NELL1: variants seen among roughly 807,000 people sequenced by gnomAD.
NELL1 encodes the protein neural EGFL like 1, also known as protein kinase C-binding protein NELL1.
NELL1 carries 76 observed loss-of-function variants against 107.4 expected under a neutral mutation model. The observed-to-expected ratio is 0.71, with a 90% confidence interval of 0.59 to 0.86. The LOEUF is 0.86. NELL1 is among the 40% of genes least tolerant of loss of function. NELL1 has a pLI of 0.00. For synonymous variants in NELL1, 353 were observed against 341.2 expected, an observed-to-expected ratio of 1.03 and a Z score of -0.38; for missense variants, 1,024 against 1,005.5, an observed-to-expected ratio of 1.02 and a Z score of -0.25.
At chr11:20,863,188 G>A (rs1374728915) in intron 4 of NELL1, among the ~76,000 whole-genome samples, 6 of 139,370 alleles carry the variant, frequency 4.3e-5, no homozygotes, top group African/African-American at 1.3e-4. Context: ...GGGCAGAGGC[G>A]CCCCTCACCT....
chr11:21,573,544 T>C, intron 19 of NELL1, 135 bp downstream of exon 19: 1 of 755,194 alleles, frequency 1.3e-6, no homozygotes, highest in Non-Finnish European at 2.2e-6. Flanking sequence ...TTACTTCTCA[T>C]AGGAATTTAA....
intron 14 of NELL1, among the ~76,000 whole-genome samples, chr11:21,246,739 G>C (rs1000812369): frequency 6.6e-6 from 1 of 152,110 alleles, no homozygotes; most frequent in Admixed American, 6.6e-5. Flanking sequence ...ACCCGAGACT[G>C]GGTAATTTAT....
intron 15 of NELL1, among the ~76,000 whole-genome samples, chr11:21,471,223 G>A (rs1854171908): frequency 6.6e-6 from 1 of 151,936 alleles, no homozygotes; most frequent in African/African-American, 2.4e-5. Flanking sequence ...CCTCTTTTCA[G>A]CAGTCTTTCT....
chr11:21,002,948 C>T (rs1852255651), intron 12 of NELL1, among the ~76,000 whole-genome samples: 1 of 151,992 alleles, frequency 6.6e-6, no homozygotes, highest in Non-Finnish European at 1.5e-5. Context: ...TGCACTGAAT[C>T]CTTAACATGA....
chr11:21,386,569 A>G (rs1356717963), intron 15 of NELL1, among the ~76,000 whole-genome samples: 3 of 151,834 alleles, frequency 2.0e-5, no homozygotes, highest in Non-Finnish European at 4.4e-5. Flanking sequence ...GGAGCAGACC[A>G]TCTGATTGGA....
intron 5 of NELL1, among the ~76,000 whole-genome samples, chr11:20,908,802 G>A (rs1590404440): frequency 6.6e-6 from 1 of 152,296 alleles, no homozygotes; most frequent in East Asian, 1.9e-4. Context: ...AGAATTACAT[G>A]TAATCCAGCA....
At chr11:21,461,563 T>C (rs966789874) in intron 15 of NELL1, among the ~76,000 whole-genome samples, 4 of 152,122 alleles carry the variant, frequency 2.6e-5, no homozygotes, top group South Asian at 2.1e-4. Context: ...TAGCAGCTGA[T>C]TTTTATTAAG....
intron 2 of NELL1, among the ~76,000 whole-genome samples, chr11:20,691,611 G>A (rs1195850228): frequency 2.6e-5 from 4 of 152,194 alleles, no homozygotes; most frequent in African/African-American, 9.6e-5. Context: ...TATTGAACCA[G>A]CCTTGCATCC....
At chr11:20,721,232 G>A (rs1255107610) in intron 2 of NELL1, among the ~76,000 whole-genome samples, 1 of 31,806 alleles carries the variant, frequency 3.1e-5, no homozygotes, top group East Asian at 2.6e-3. Context: ...TATATATTTT[G>A]TTTATATATA....
intron 15 of NELL1, among the ~76,000 whole-genome samples, chr11:21,495,652 A>G (rs893254813): frequency 5.9e-5 from 9 of 152,268 alleles, no homozygotes; most frequent in East Asian, 1.9e-4. Flanking sequence ...AAGTTTCTCT[A>G]CATCCTTACC....
chr11:21,350,366 TA>T (rs398015516), intron 14 of NELL1, among the ~76,000 whole-genome samples: 2,666 of 145,868 alleles, frequency 0.018, 80 homozygotes, highest in African/African-American at 0.06. Flanking sequence ...AAGATCTTTT[TA>T]AAAAAAAAAA....
intron 17 of NELL1, among the ~76,000 whole-genome samples, chr11:21,562,648 A>G (rs1399596291): frequency 6.6e-6 from 1 of 152,088 alleles, no homozygotes; most frequent in African/African-American, 2.4e-5. Context: ...CAATACTTAC[A>G]CATCCAAATG....
intron 13 of NELL1, among the ~76,000 whole-genome samples, chr11:21,124,508 T>C (rs1438301173): frequency 1.3e-5 from 2 of 152,102 alleles, no homozygotes; most frequent in East Asian, 3.9e-4. Context: ...TTATAAACAA[T>C]AGGAATTTCT....
chr11:21,322,971 C>T (rs958624337), intron 14 of NELL1, among the ~76,000 whole-genome samples: 1 of 151,974 alleles, frequency 6.6e-6, no homozygotes, highest in South Asian at 2.1e-4. Flanking sequence ...AAGCACAAGC[C>T]ATTGTTGTAT....
intron 15 of NELL1, among the ~76,000 whole-genome samples, chr11:21,397,659 C>G (rs1852011235): frequency 6.6e-6 from 1 of 151,526 alleles, no homozygotes; most frequent in Admixed American, 6.6e-5. Context: ...CATTTTAAAT[C>G]ATTTAAAATT....
intron 5 of NELL1, among the ~76,000 whole-genome samples, chr11:20,889,903 C>T (rs1055697133): frequency 2.6e-5 from 4 of 152,162 alleles, no homozygotes; most frequent in Non-Finnish European, 4.4e-5. Flanking sequence ...TCTGTGTGGA[C>T]CAGCAGACTT....
At chr11:21,297,904 G>A (rs920213911) in intron 14 of NELL1, among the ~76,000 whole-genome samples, 4 of 151,930 alleles carry the variant, frequency 2.6e-5, no homozygotes, top group Non-Finnish European at 4.4e-5. Flanking sequence ...AGGAGGGAGG[G>A]AGTAGAGAAA....
In NELL1 at chr11:21,551,902, G is replaced by A. The variant is rs376445827; in HGVS notation, c.1787-8287G>A. Among the ~76,000 whole-genome samples the A allele has an allele frequency of 2.0e-3, 302 of 147,894 alleles. 2 individuals carry two copies. The highest frequency in any genetic ancestry group is 7.9e-3 in the South Asian group (36 of 4,568). ...GGAACCAACCCAAATGTCCAACAAT[G>A]ATAGACTGGATTAAGAAAATGTGGC... is the stretch of plus-strand genomic sequence containing the variant. On this transcript the variant is annotated intron_variant, in intron 16 of 19. Transcript: ENST00000357134.
chr11:21,299,509 A>ATATG (rs1326454654), intron 14 of NELL1, among the ~76,000 whole-genome samples: 5 of 106,568 alleles, frequency 4.7e-5, no homozygotes, highest in African/African-American at 1.9e-4. Context: ...TTATTGTCTT[A>ATATG]TATGTGTGTG....
Sources: allele counts gnomAD v4.1 joint callset (sites outside exome capture counted in the v4.1 genomes callset), GRCh38; gene constraint gnomAD v4.1.1; transcripts MANE v1.5; gene names NCBI Gene and HGNC (gene_info 2026-07-23, HGNC 2026-07-21).